The following PRKG1 variants were observed in gnomAD, a reference collection of about 807,000 sequenced individuals.
The protein encoded by PRKG1 is cGMP-dependent protein kinase 1.
Under a neutral mutation model 88.1 loss-of-function variants are expected in PRKG1, and 35 were observed. The observed-to-expected ratio is 0.40, with a 90% CI of 0.30 to 0.53. PRKG1 has a LOEUF of 0.53. Ranked by LOEUF, PRKG1 falls within the 20% of genes least tolerant of loss-of-function variation. The pLI is 0.59. For synonymous variants in PRKG1, 303 were observed against 292.5 expected (o/e 1.04, Z -0.37); for missense variants, 540 against 839.8 (o/e 0.64, Z 4.41).
At chr10:52,223,114 A>T (rs1207545590) in intron 9 of PRKG1, among the ~76,000 whole-genome samples, 1 of 152,128 alleles carries the variant, frequency 6.6e-6, no homozygotes, top group Non-Finnish European at 1.5e-5. Flanking sequence ...CCAACCTACC[A>T]ACCAAACAAA....
chr10:51,586,610 G>A (rs919486567), intron 3 of PRKG1, among the ~76,000 whole-genome samples: 3 of 152,102 alleles, frequency 2.0e-5, no homozygotes, highest in Non-Finnish European at 4.4e-5. Context: ...CAACAAAGTG[G>A]TTTTGTCCAT....
At chr10:52,199,874 T>C (rs1244764692) in intron 9 of PRKG1, among the ~76,000 whole-genome samples, 6 of 152,152 alleles carry the variant, frequency 3.9e-5, no homozygotes, top group African/African-American at 7.2e-5. Context: ...TTTGTAAAAT[T>C]TATAAGATCA....
chr10:51,216,770 G>A (rs1456253871), intron 2 of PRKG1, among the ~76,000 whole-genome samples: 1 of 152,144 alleles, frequency 6.6e-6, no homozygotes, highest in Non-Finnish European at 1.5e-5. Context: ...AGTGGTATGG[G>A]TGTGTGTAAA....
chr10:51,945,292 G>C (rs1169882732), intron 5 of PRKG1, among the ~76,000 whole-genome samples: 1 of 150,608 alleles, frequency 6.6e-6, no homozygotes, highest in Admixed American at 6.6e-5. Context: ...GCCTTTTTTT[G>C]TTTTCCATTT....
chr10:51,759,025 C>A (rs1837947828), intron 3 of PRKG1, among the ~76,000 whole-genome samples: 1 of 152,110 alleles, frequency 6.6e-6, no homozygotes, highest in East Asian at 1.9e-4. Flanking sequence ...AGGACATGAA[C>A]TCATCCTTTT....
intron 12 of PRKG1, 85 bp from the exon 13 acceptor site, chr10:52,280,704 A>G: frequency 6.9e-7 from 1 of 1,444,506 alleles, no homozygotes; most frequent in Non-Finnish European, 9.5e-7. Flanking sequence ...TGGCAAAGGA[A>G]TATAGTGAAA....
chr10:51,977,810 T>C (rs931669206), intron 5 of PRKG1, among the ~76,000 whole-genome samples: 2 of 152,036 alleles, frequency 1.3e-5, no homozygotes, highest in African/African-American at 4.8e-5. Context: ...CCATTTTTAA[T>C]GGGGTCATTT....
At chr10:51,879,689 AG>A (rs1413690948) in intron 4 of PRKG1, among the ~76,000 whole-genome samples, 1 of 151,294 alleles carries the variant, frequency 6.6e-6, no homozygotes, top group Non-Finnish European at 1.5e-5. Context: ...TTTAGTATAT[AG>A]GTCTTCTGAT....
chr10:51,743,752 A>ATG lies in PRKG1; in HGVS notation c.593-60832_593-60831insGT, dbSNP rs1453688196. 1.5e-4 allele frequency among the ~76,000 whole-genome samples: 20 copies of ATG among 134,526 alleles called. 1 individual carries two copies. In the East Asian group the frequency reaches 3.9e-3, roughly 26 times the overall value. 88.3% of individuals were successfully genotyped at this position (134,526 alleles called of 152,430 possible). A position where few individuals can be genotyped will look rare whatever the true frequency, so the allele number is the denominator to read the frequency against. On this transcript the variant is annotated intron_variant, in intron 3 of 17. Coordinates refer to ENST00000373980, the MANE Select transcript of PRKG1 (RefSeq NM_006258.4). Reference sequence around the variant, plus strand: ...ATATAAACTAAATATATATATATATATATATATATATATTTAGTTGCCTAT... The same window carrying ATG: ...ATATAAACTAAATATATATATATATATGTATATATATATATTTAGTTGCCTAT...
At chr10:51,311,588 C>T (rs759271828) in intron 2 of PRKG1, among the ~76,000 whole-genome samples, 13 of 152,134 alleles carry the variant, frequency 8.5e-5, no homozygotes, top group African/African-American at 1.4e-4. Context: ...ATTTGAGGAC[C>T]GGTACCTTAG....
At chr10:51,702,700 A>T (rs954653547) in intron 3 of PRKG1, among the ~76,000 whole-genome samples, 4 of 147,164 alleles carry the variant, frequency 2.7e-5, no homozygotes, top group South Asian at 2.1e-4. Flanking sequence ...TTCAAAATGA[A>T]TTTTTTTTTT....
At chr10:51,242,670 T>C (rs1162369357) in intron 2 of PRKG1, among the ~76,000 whole-genome samples, 1 of 152,160 alleles carries the variant, frequency 6.6e-6, no homozygotes, top group African/African-American at 2.4e-5. Context: ...ATGTTGATCT[T>C]TGTTACTTTA....
chr10:52,291,714 C>A (rs369092837), intron 17 of PRKG1, among the ~76,000 whole-genome samples: 1 of 151,448 alleles, frequency 6.6e-6, no homozygotes, highest in East Asian at 2.0e-4. Context: ...AATAAACATA[C>A]GTGTGCATGT....
chr10:51,601,721 A>ATTTTTTTTTTTTTTTTTTTTTT lies in PRKG1; in HGVS notation c.592+133912_592+133933dup, dbSNP rs749205610. 1.6e-4 allele frequency among the ~76,000 whole-genome samples: 7 copies of ATTTTTTTTTTTTTTTTTTTTTT among 43,574 alleles called. 1 individual carries two copies. Among genetic ancestry groups the ATTTTTTTTTTTTTTTTTTTTTT allele is most frequent in the Non-Finnish European group, 2.7e-4 (6 of 22,068 alleles). 28.6% of individuals were successfully genotyped at this position (43,574 alleles called of 152,430 possible). A position where few individuals can be genotyped will look rare whatever the true frequency, so the allele number is the denominator to read the frequency against. ...TTTTAGAAATAAAGTGGCAGATTGA[A>ATTTTTTTTTTTTTTTTTTTTTT]TTTTTTTTTTTTTTTTTTTTTTTTT... On this transcript the variant is annotated intron_variant, in intron 3 of 17. Transcript: ENST00000373980.
At chr10:51,351,498 A>G (rs1009778858) in intron 2 of PRKG1, among the ~76,000 whole-genome samples, 1 of 150,952 alleles carries the variant, frequency 6.6e-6, no homozygotes, top group Non-Finnish European at 1.5e-5. Context: ...TGCATTTCTC[A>G]TCATCAGTGA....
At chr10:51,811,711 T>C (rs965863716) in intron 4 of PRKG1, among the ~76,000 whole-genome samples, 1 of 152,236 alleles carries the variant, frequency 6.6e-6, no homozygotes, top group Admixed American at 6.5e-5. Flanking sequence ...TGACTAAACA[T>C]ATGTCCTAGT....
chr10:52,244,696 TTAA>T (rs1840959732), intron 9 of PRKG1, among the ~76,000 whole-genome samples: 3 of 127,620 alleles, frequency 2.4e-5, no homozygotes, highest in African/African-American at 6.6e-5. Context: ...AAATAATATA[TTAA>T]TAATTAATAA....
intron 7 of PRKG1, among the ~76,000 whole-genome samples, chr10:52,088,861 C>T (rs1057509927): frequency 1.8e-4 from 28 of 152,100 alleles, no homozygotes; most frequent in South Asian, 4.1e-4. Flanking sequence ...AACAAATACA[C>T]GCTGTTGCAC....
At chr10:51,514,866 T>C (rs73339906) in intron 3 of PRKG1, among the ~76,000 whole-genome samples, 17,506 of 152,142 alleles carry the variant, frequency 0.12, 3,193 homozygotes, top group African/African-American at 0.39. Flanking sequence ...CTGCAGACTT[T>C]TACATAAATC....
Sources: gnomAD v4.1 joint callset for allele counts (sites outside exome capture counted in the v4.1 genomes callset) on GRCh38, gnomAD v4.1.1 for gene constraint, MANE v1.5 for transcripts, NCBI Gene and HGNC (gene_info 2026-07-23, HGNC 2026-07-21) for gene names.